The following SENP7 variants were observed in gnomAD, a reference collection of about 807,000 sequenced individuals.
The protein encoded by SENP7 is sentrin-specific protease 7.
Under a neutral mutation model 141.2 loss-of-function variants are expected in SENP7, and 64 were observed. The observed-to-expected ratio is 0.45, with a 90% CI of 0.37 to 0.56. SENP7 has a LOEUF of 0.56. Ranked by LOEUF, SENP7 falls within the 20% of genes least tolerant of loss-of-function variation. The probability of loss-of-function intolerance (pLI) is 0.00; values close to 1 mark genes in which losing one functional copy is unlikely to be tolerated. For synonymous variants in SENP7, 382 were observed against 426.4 expected (o/e 0.90, Z 1.28); for missense variants, 1,025 against 1,212.2 (o/e 0.85, Z 2.29).
intron 3 of SENP7, among the ~76,000 whole-genome samples, chr3:101,470,387 G>A (rs1436498718): frequency 6.6e-6 from 1 of 152,140 alleles, no homozygotes; most frequent in Non-Finnish European, 1.5e-5. Flanking sequence ...CACGTAAACA[G>A]AAACAATGAC....
intron 16 of SENP7, among the ~76,000 whole-genome samples, chr3:101,339,617 C>T (rs374674551): frequency 2.0e-5 from 3 of 151,990 alleles, no homozygotes; most frequent in African/African-American, 7.2e-5. Flanking sequence ...ACTCAGGAGG[C>T]TGAGGCAGGA....
At chr3:101,496,484 G>A (rs992853911) in intron 2 of SENP7, among the ~76,000 whole-genome samples, 11 of 151,908 alleles carry the variant, frequency 7.2e-5, no homozygotes, top group African/African-American at 2.7e-4. Flanking sequence ...CCAAATTCCT[G>A]GGCTCTGTGG....
rs80001674 is a variant in SENP7, at chr3:101,500,940, C to T, written c.90+130G>A. The T allele has an allele frequency of 3.1e-3, 1,941 of 626,858 alleles. 30 individuals carry two copies. In the African/African-American group the frequency reaches 0.034, roughly 11 times the overall value. 38.8% of individuals were successfully genotyped at this position (626,858 alleles called of 1,614,324 possible). A position where few individuals can be genotyped will look rare whatever the true frequency, so the allele number is the denominator to read the frequency against. ...TAACCTTCAGTTAATTAGAATACACCACTCTCCCAAAACACTGACTAAAGT... is the reference window on the plus strand; with the variant it reads ...TAACCTTCAGTTAATTAGAATACACTACTCTCCCAAAACACTGACTAAAGT... On this transcript the variant is annotated intron_variant, in intron 2 of 23. Transcript: ENST00000394095.
chr3:101,332,633 T>C (rs146830666), intron 18 of SENP7, 137 bp downstream of exon 18: 15 of 483,876 alleles, frequency 3.1e-5, no homozygotes, highest in Middle Eastern at 5.7e-4. Flanking sequence ...TTGCCTTAGC[T>C]ACTTTTATTT....
chr3:101,357,566 G>A (rs1233726842), intron 11 of SENP7: 2 of 1,275,666 alleles, frequency 1.6e-6, no homozygotes, highest in East Asian at 2.3e-5. Context: ...TGAAAAATGT[G>A]GACATGACAA....
intron 4 of SENP7, among the ~76,000 whole-genome samples, chr3:101,455,551 G>T (rs926890660): frequency 6.6e-6 from 1 of 151,898 alleles, no homozygotes; most frequent in Admixed American, 6.6e-5. Context: ...AAAAAAATAC[G>T]CTACAAGAGA....
intron 3 of SENP7, among the ~76,000 whole-genome samples, chr3:101,478,741 A>C (rs1034374556): frequency 6.6e-6 from 1 of 152,178 alleles, no homozygotes; most frequent in Non-Finnish European, 1.5e-5. Flanking sequence ...AAATGCACAC[A>C]AAAAAGAAAA....
rs574512740 is a variant in SENP7 at position 101,355,824 on chromosome 3, G to A, written c.1624-4173C>T. 2.6e-5 allele frequency among the ~76,000 whole-genome samples: 4 copies of A among 152,206 alleles called. No homozygotes were observed. The South Asian group carries it at 8.3e-4, about 32-fold the overall frequency. ...GCAAGATGGCCATTTTAATTCTATT[G>A]ATTCTTCCTATCCATGAACATGGAA... On this transcript the variant is annotated intron_variant, in intron 11 of 23. Coordinates refer to ENST00000394095, the MANE Select transcript of SENP7 (RefSeq NM_020654.5).
chr3:101,489,880 A>T (rs2064891086), intron 3 of SENP7, among the ~76,000 whole-genome samples: 1 of 152,150 alleles, frequency 6.6e-6, no homozygotes, highest in South Asian at 2.1e-4. Flanking sequence ...TCATCACAAA[A>T]ATGCAAATTA....
chr3:101,464,370 G>A (rs576683385), intron 3 of SENP7, among the ~76,000 whole-genome samples: 2 of 152,282 alleles, frequency 1.3e-5, no homozygotes, highest in Admixed American at 6.5e-5. Flanking sequence ...CGCACAGCAG[G>A]AGGTGAGCGG....
chr3:101,442,888 AT>A lies in SENP7; in HGVS notation c.284+16066del, dbSNP rs531233710. Among the ~76,000 whole-genome samples the A allele has an allele frequency of 2.9e-3, 435 of 152,302 alleles. 4 individuals carry two copies. Among genetic ancestry groups the A allele is most frequent in the Non-Finnish European group, 2.4e-3 (166 of 68,028 alleles). ...ATAAAGCCAACAGGACACATGCTAC[AT>A]TATAAAAAGAACAAATATTGAGATT... On this transcript the variant is annotated intron_variant, in intron 4 of 23. Coordinates refer to ENST00000394095, the MANE Select transcript of SENP7 (RefSeq NM_020654.5).
intron 4 of SENP7, among the ~76,000 whole-genome samples, chr3:101,444,658 C>T (rs1043375450): frequency 6.8e-6 from 1 of 147,046 alleles, no homozygotes; most frequent in African/African-American, 2.5e-5. Context: ...AACCAAACAC[C>T]GTATACTCTC....
chr3:101,451,020 A>T (rs2063114280), intron 4 of SENP7, among the ~76,000 whole-genome samples: 2 of 152,232 alleles, frequency 1.3e-5, no homozygotes, highest in South Asian at 4.1e-4. Context: ...ACAATAAAAA[A>T]TCATAAAGGG....
chr3:101,355,274 A>G (rs141438310), intron 11 of SENP7, among the ~76,000 whole-genome samples: 2 of 152,254 alleles, frequency 1.3e-5, no homozygotes, highest in East Asian at 3.9e-4. Flanking sequence ...CCTCGTCATG[A>G]AATCTTTGCC....
intron 6 of SENP7, among the ~76,000 whole-genome samples, chr3:101,398,468 T>C (rs1381736162): frequency 1.3e-5 from 2 of 151,684 alleles, no homozygotes; most frequent in Non-Finnish European, 2.9e-5. Flanking sequence ...TCAAAAAAAT[T>C]AAAGTAAAAC....
intron 18 of SENP7, 48 bp from the exon 19 acceptor site, chr3:101,332,157 C>T: frequency 6.4e-7 from 1 of 1,562,410 alleles, no homozygotes. Flanking sequence ...GTCTAAACAA[C>T]ATATAATATA....
chr3:101,341,747 G>A lies in SENP7; in HGVS notation c.2139C>T (p.Tyr713=). Residue 713 remains tyrosine, a synonymous_variant, in exon 15 of 24, where the codon TAC becomes TAT. Transcript: ENST00000394095. Reference sequence around the variant, plus strand: ...CGCTACTTTGCTTCTGCAGGAAGGTGTAAGTAGGCTTGGCCGCATCTGTGT... The same window carrying A: ...CGCTACTTTGCTTCTGCAGGAAGGTATAAGTAGGCTTGGCCGCATCTGTGT... ...PSNTDAAKPT[Y]TFLQKQSSGC... is the part of the protein sequence containing the mutation. The A allele has an allele frequency of 1.2e-6, 2 of 1,610,296 alleles. No individual in the cohort carries two copies. Among genetic ancestry groups the A allele is most frequent in the Non-Finnish European group, 1.7e-6 (2 of 1,177,070 alleles).
chr3:101,399,126 G>A (rs1182578087), intron 5 of SENP7, 71 bp from the exon 6 acceptor site: 17 of 1,026,178 alleles, frequency 1.7e-5, no homozygotes, highest in South Asian at 2.8e-5. Context: ...TTCCAGGAAG[G>A]TGAATTTTCA....
At chr3:101,496,248 T>C (rs2065154116) in intron 2 of SENP7, among the ~76,000 whole-genome samples, 1 of 152,178 alleles carries the variant, frequency 6.6e-6, no homozygotes, top group African/African-American at 2.4e-5. Flanking sequence ...TTTAGAAATA[T>C]TTCTTAAACA....
Sources: allele counts gnomAD v4.1 joint callset (sites outside exome capture counted in the v4.1 genomes callset), GRCh38; gene constraint gnomAD v4.1.1; transcripts MANE v1.5; gene names NCBI Gene and HGNC (gene_info 2026-07-23, HGNC 2026-07-21).